Variants in NCAPH2 observed in about 807,000 individuals in gnomAD.
NCAPH2 encodes condensin-2 complex subunit H2.
NCAPH2 carries 56 observed loss-of-function variants against 88.6 expected under a neutral mutation model. The observed-to-expected ratio is 0.63, with a 90% CI of 0.51 to 0.79. The LOEUF (loss-of-function observed/expected upper bound fraction) is 0.79, where lower values mean the gene tolerates loss of function less well. NCAPH2 is among the 30% of genes least tolerant of loss of function. NCAPH2 has a pLI of 0.00. For synonymous variants in NCAPH2, 378 were observed against 313.6 expected (o/e 1.21, Z -2.17); for missense variants, 794 against 792.0 (o/e 1.00, Z -0.03).
In NCAPH2 at chr22:50,522,673, G is replaced by T; in HGVS notation, c.1378G>T (p.Ala460Ser). 4 of 1,613,710 alleles carry T rather than the reference G, an allele frequency of 2.5e-6. No individual in the cohort carries two copies. Among genetic ancestry groups the T allele is most frequent in the Non-Finnish European group, 3.4e-6 (4 of 1,179,982 alleles). ...AGCTCACAGCTACCCCTTCCCAGAC[G>T]CAGTGCCGATGTCCCTGAGCTACGA... is the stretch of plus-strand genomic sequence containing the variant. ...ADPREAADLD[A>S]VPMSLSYEEL... The change falls in exon 17 of 20, where the codon GCA becomes TCA. Residue 460 changes from alanine to serine, a missense_variant and splice_region_variant. Around this residue, in one of 2 missense-constraint regions of NCAPH2, gnomAD observed 735 missense variants for 696.3 expected, o/e 1.06. Coordinates refer to ENST00000420993, the MANE Select transcript of NCAPH2 (RefSeq NM_152299.4).
chr22:50,519,709 C>A, intron 9 of NCAPH2: 1 of 1,067,516 alleles, frequency 9.4e-7, no homozygotes, highest in Non-Finnish European at 1.1e-6. Flanking sequence ...AGCCTAGAGC[C>A]AAGAAATCCT....
At chr22:50,514,535 C>T (rs141199461) in intron 1 of NCAPH2, among the ~76,000 whole-genome samples, 1 of 152,296 alleles carries the variant, frequency 6.6e-6, no homozygotes, top group Non-Finnish European at 1.5e-5. Context: ...GATGGCAGGT[C>T]CAACCTGGGG....
intron 14 of NCAPH2, 37 bp downstream of exon 14, chr22:50,522,288 G>T: frequency 1.2e-6 from 2 of 1,609,158 alleles, no homozygotes; most frequent in Non-Finnish European, 1.7e-6. Context: ...CTAGGACCCC[G>T]TGGTGGCCCT....
chr22:50,523,190 AG>A, intron 19 of NCAPH2, 24 bp downstream of exon 19: 1 of 1,613,608 alleles, frequency 6.2e-7, no homozygotes, highest in Non-Finnish European at 8.5e-7. Flanking sequence ...GATACGTGGG[AG>A]GGGGAGACGG....
At position 50,523,360 on chromosome 22, in the gene NCAPH2, C is replaced by T; in HGVS notation, c.1803C>T (p.Ser601=). The change falls in exon 20 of 20, where the codon TCC becomes TCT. Residue 601 remains serine, a synonymous_variant. Coordinates refer to ENST00000420993, the MANE Select transcript of NCAPH2 (RefSeq NM_152299.4). ...HKRFQTYAAP[S]MAQP is the part of the protein sequence containing the mutation. ...GCTTCCAGACCTACGCTGCCCCCTC[C>T]ATGGCCCAGCCCTGAGTGGGGAGCA... is the stretch of plus-strand genomic sequence containing the variant. 1 of 1,551,290 alleles carries T rather than the reference C, an allele frequency of 6.4e-7. No homozygotes were observed. Among genetic ancestry groups the T allele is most frequent in the Non-Finnish European group, 8.7e-7 (1 of 1,147,808 alleles).
intron 16 of NCAPH2, 40 bp from the exon 17 acceptor site, chr22:50,522,631 T>G (rs1176975395): frequency 1.2e-6 from 2 of 1,613,450 alleles, no homozygotes; most frequent in East Asian, 4.5e-5. Context: ...GGGGAGAGCG[T>G]GGCCCCTTAG....
intron 1 of NCAPH2, among the ~76,000 whole-genome samples, chr22:50,510,470 C>T (rs759699413): frequency 3.9e-5 from 6 of 151,928 alleles, no homozygotes; most frequent in African/African-American, 1.2e-4. Context: ...CTCTGTTGCC[C>T]GGGCTGGAGT....
chr22:50,515,110 T>C (rs1306665333), intron 1 of NCAPH2, among the ~76,000 whole-genome samples: 1 of 152,188 alleles, frequency 6.6e-6, no homozygotes, highest in Non-Finnish European at 1.5e-5. Flanking sequence ...GCTCACACAG[T>C]TCACTAAGGG....
In NCAPH2 at chr22:50,523,694, A is replaced by G. The variant is rs1481661878; in HGVS notation, c.*319A>G. On this transcript the variant is annotated 3_prime_UTR_variant, in exon 20 of 20. Transcript: ENST00000420993. ...TCAGCCGATCTGCTCCGGCCGTAGT[A>G]ATCCGTGAAGAGGCCGTCAGGGTTG... 1 of 1,614,018 alleles carries G rather than the reference A, an allele frequency of 6.2e-7. No homozygotes were observed. The highest frequency in any genetic ancestry group is 2.2e-5 in the East Asian group (1 of 44,894).
In NCAPH2 at chr22:50,524,458, G is replaced by A. The variant is rs766166937; in HGVS notation, c.*1083G>A. On this transcript the variant is annotated 3_prime_UTR_variant, in exon 20 of 20. Transcript: ENST00000420993. ...AAGCACAGGCGTCAGGAGCCAGAAG[G>A]GAAGGCCCAGGACAGTGCCTGGGCT... 5 of 1,592,604 alleles carry A rather than the reference G, an allele frequency of 3.1e-6. No individual in the cohort carries two copies. The highest frequency in any genetic ancestry group is 2.7e-5 in the African/African-American group (2 of 74,446).
Position 50,524,053 on chromosome 22 carries a change from C to G in NCAPH2, c.*678C>G, listed in dbSNP as rs768674109. 2.5e-6 allele frequency: 4 copies of G among 1,613,414 alleles called. No individual in the cohort carries two copies. In the South Asian group the frequency reaches 3.3e-5, roughly 13 times the overall value. On this transcript the variant is annotated 3_prime_UTR_variant, in exon 20 of 20. Coordinates refer to ENST00000420993, the MANE Select transcript of NCAPH2 (RefSeq NM_152299.4). ...AAAGTACATCAGCACCCACTGGCCCCGGAAGTCAGCCTTGCAGCGAGCCCG... is the reference window on the plus strand; with the variant it reads ...AAAGTACATCAGCACCCACTGGCCCGGGAAGTCAGCCTTGCAGCGAGCCCG...
rs3829984 is a variant in NCAPH2 at position 50,508,269 on chromosome 22, C to G, written c.-69C>G. The G allele has an allele frequency of 6.0e-6, 7 of 1,175,384 alleles. No homozygotes were observed. The highest frequency in any genetic ancestry group is 8.1e-6 in the Non-Finnish European group (7 of 867,448). 72.8% of individuals were successfully genotyped at this position (1,175,384 alleles called of 1,614,324 possible). On this transcript the variant is annotated 5_prime_UTR_variant, in exon 1 of 20. Coordinates refer to ENST00000420993, the MANE Select transcript of NCAPH2 (RefSeq NM_152299.4). ...AGCAAAATGGCGCCAGAACTAGTGG[C>G]GGGCTGAGGACGCCGTACCCCTCGG...
At chr22:50,522,438 G>A (rs1556480976) in intron 15 of NCAPH2, 23 bp downstream of exon 15, 3 of 1,612,578 alleles carry the variant, frequency 1.9e-6, no homozygotes, top group Non-Finnish European at 2.5e-6. Context: ...CAGGGGGTGG[G>A]GTGGGGCTTG....
Position 50,523,448 on chromosome 22 carries a change from C to T in NCAPH2, c.*73C>T. 1.3e-6 allele frequency: 2 copies of T among 1,524,468 alleles called. No homozygotes were observed. The highest frequency in any genetic ancestry group is 1.8e-6 in the Non-Finnish European group (2 of 1,134,654). The allele number at this position is 1,524,468 out of a possible 1,614,324, so 94.4% of individuals were successfully genotyped here. On this transcript the variant is annotated 3_prime_UTR_variant, in exon 20 of 20. Transcript: ENST00000420993. ...TGTGTCTGCTCCTGGCTGGCCCGGCCTAATAAAGCAGTGTTGCCATCTCAT... is the reference window on the plus strand; with the variant it reads ...TGTGTCTGCTCCTGGCTGGCCCGGCTTAATAAAGCAGTGTTGCCATCTCAT...
At chr22:50,517,846 G>A (rs771480518) in intron 5 of NCAPH2, 37 bp downstream of exon 5, 16 of 1,610,462 alleles carry the variant, frequency 9.9e-6, no homozygotes, top group African/African-American at 1.3e-5. Flanking sequence ...GCTGGGGTGA[G>A]GTCAGCACTT....
intron 1 of NCAPH2, among the ~76,000 whole-genome samples, chr22:50,510,456 C>A (rs1437309993): frequency 6.6e-6 from 1 of 152,060 alleles, no homozygotes; most frequent in African/African-American, 2.4e-5. Flanking sequence ...GAGATGGAGT[C>A]TTGCTCTGTT....
chr22:50,511,598 A>G (rs1357951661), intron 1 of NCAPH2, among the ~76,000 whole-genome samples: 5 of 142,538 alleles, frequency 3.5e-5, no homozygotes, highest in Non-Finnish European at 7.4e-5. Flanking sequence ...ATCCTGCCTC[A>G]GCCTCTTGAG....
intron 9 of NCAPH2, 171 bp downstream of exon 9, chr22:50,519,491 A>G (rs1321797513): frequency 1.4e-6 from 2 of 1,435,956 alleles, no homozygotes; most frequent in African/African-American, 2.9e-5. Flanking sequence ...GCCCTTTTGA[A>G]GAGCAGCTTC....
Position 50,524,442 on chromosome 22 carries a change from C to A in NCAPH2, c.*1067C>A. 1 of 1,607,064 alleles carries A rather than the reference C, an allele frequency of 6.2e-7. No homozygotes were observed. Among genetic ancestry groups the A allele is most frequent in the East Asian group, 2.2e-5 (1 of 44,622 alleles). On this transcript the variant is annotated 3_prime_UTR_variant, in exon 20 of 20. Coordinates refer to ENST00000420993, the MANE Select transcript of NCAPH2 (RefSeq NM_152299.4). ...TGATGCTCCTGGAAACAAGCACAGG[C>A]GTCAGGAGCCAGAAGGGAAGGCCCA...
Sources: allele counts gnomAD v4.1 joint callset (sites outside exome capture counted in the v4.1 genomes callset), GRCh38; gene constraint gnomAD v4.1.1; regional missense constraint gnomAD v4.1.1; transcripts MANE v1.5; gene names NCBI Gene and HGNC (gene_info 2026-07-23, HGNC 2026-07-21).